The following ADAMTS16 variants were observed in gnomAD, a reference collection of about 807,000 sequenced individuals.
The protein encoded by ADAMTS16 is ADAM metallopeptidase with thrombospondin type 1 motif 16, also known as A disintegrin and metalloproteinase with thrombospondin motifs 16.
In ADAMTS16, 94 loss-of-function variants were observed where a neutral mutation model predicts 145.8. The ratio of observed to expected loss-of-function variants is 0.64; its 90% CI spans 0.55 to 0.77. The LOEUF (loss-of-function observed/expected upper bound fraction) is 0.77. Ranked by LOEUF, ADAMTS16 falls within the 30% of genes least tolerant of loss-of-function variation. ADAMTS16 has a pLI of 0.00. For missense variants in ADAMTS16, 1,585 were observed against 1,591.5 expected (o/e 1.00, Z 0.07); for synonymous variants, 659 against 604.3 (o/e 1.09, Z -1.33).
At chr5:5,177,185 A>G (rs1219032498) in intron 3 of ADAMTS16, among the ~76,000 whole-genome samples, 2 of 152,226 alleles carry the variant, frequency 1.3e-5, no homozygotes, top group Non-Finnish European at 2.9e-5. Context: ...CTGATGGATT[A>G]TGATGATGGG....
At chr5:5,275,786 T>C (rs1452861558) in intron 18 of ADAMTS16, among the ~76,000 whole-genome samples, 1 of 152,196 alleles carries the variant, frequency 6.6e-6, no homozygotes, top group Non-Finnish European at 1.5e-5. Context: ...TATTTTTAAA[T>C]GTTTGTGTCA....
chr5:5,297,008 C>A (rs949495504), intron 18 of ADAMTS16, among the ~76,000 whole-genome samples: 1 of 152,180 alleles, frequency 6.6e-6, no homozygotes, highest in African/African-American at 2.4e-5. Flanking sequence ...TACTCTTGTT[C>A]TTTTGAGTAG....
At chr5:5,270,386 T>C (rs910195576) in intron 18 of ADAMTS16, among the ~76,000 whole-genome samples, 3 of 152,202 alleles carry the variant, frequency 2.0e-5, no homozygotes, top group Non-Finnish European at 4.4e-5. Context: ...TGACACTGCC[T>C]GCCTCCCTGG....
intron 3 of ADAMTS16, among the ~76,000 whole-genome samples, chr5:5,154,268 A>G (rs1734545876): frequency 6.6e-6 from 1 of 152,088 alleles, no homozygotes; most frequent in African/African-American, 2.4e-5. Context: ...GAGGCATGTG[A>G]GACAGCTATT....
intron 3 of ADAMTS16, among the ~76,000 whole-genome samples, chr5:5,147,486 T>C (rs1272625284): frequency 6.6e-6 from 1 of 152,212 alleles, no homozygotes; most frequent in Non-Finnish European, 1.5e-5. Flanking sequence ...AAATACTAAA[T>C]ATATGCAAAT....
At chr5:5,248,018 G>T (rs1472935762) in intron 17 of ADAMTS16, among the ~76,000 whole-genome samples, 1 of 152,192 alleles carries the variant, frequency 6.6e-6, no homozygotes, top group Admixed American at 6.5e-5. Context: ...CCTGTAATGC[G>T]CATGCATGAG....
rs980418244 is a variant in ADAMTS16 at position 5,317,198 on chromosome 5, G to A, written c.3412-936G>A. On this transcript the variant is annotated intron_variant, in intron 21 of 22. Transcript: ENST00000274181. This position sits in a 1 kb window ranked among gnomAD's most constrained non-coding sequence, Gnocchi z 4.5. ...GTCCCAGGTGGTAACATCAGCAACC[G>A]TGTTCTCTGAAATACCGTAAATAGA... Among the ~76,000 whole-genome samples, 1 of 152,148 alleles carries A rather than the reference G, an allele frequency of 6.6e-6. No homozygotes were observed. The highest frequency in any genetic ancestry group is 1.5e-5 in the Non-Finnish European group (1 of 68,028).
rs1207180204 is a variant in ADAMTS16 at position 5,288,582 on chromosome 5, T to G, written c.2790-14686T>G. 2.0e-5 allele frequency among the ~76,000 whole-genome samples: 3 copies of G among 152,272 alleles called. No homozygotes were observed. The South Asian group carries it at 6.2e-4, about 32-fold the overall frequency. On this transcript the variant is annotated intron_variant, in intron 18 of 22. Coordinates refer to ENST00000274181, the MANE Select transcript of ADAMTS16 (RefSeq NM_139056.4). ...AGCCAGAAAGTAGAAATACACAACT[T>G]TTACCAGGAGTAATGAATTCTTTAC...
chr5:5,237,250 G>A, intron 14 of ADAMTS16, 151 bp downstream of exon 14: 2 of 776,080 alleles, frequency 2.6e-6, no homozygotes, highest in Non-Finnish European at 2.0e-6. Context: ...AGAACACATT[G>A]ATGACATGCT....
At position 5,317,308 on chromosome 5, in the gene ADAMTS16, T is replaced by C. The variant is rs1286913105; in HGVS notation, c.3412-826T>C. Reference sequence around the variant, plus strand: ...TATTGGCAGGGGGATCTAAGTTTGTTCTTCCTTGCTGCCTGTAATTTGAGG... The same window carrying C: ...TATTGGCAGGGGGATCTAAGTTTGTCCTTCCTTGCTGCCTGTAATTTGAGG... On this transcript the variant is annotated intron_variant, in intron 21 of 22. Transcript: ENST00000274181. This position sits in a 1 kb window ranked among gnomAD's most constrained non-coding sequence, Gnocchi z 4.5. Among the ~76,000 whole-genome samples, 1 of 152,238 alleles carries C rather than the reference T, an allele frequency of 6.6e-6. No homozygotes were observed. Among genetic ancestry groups the C allele is most frequent in the Non-Finnish European group, 1.5e-5 (1 of 68,038 alleles).
At chr5:5,206,794 T>C (rs1043795045) in intron 9 of ADAMTS16, among the ~76,000 whole-genome samples, 2 of 152,186 alleles carry the variant, frequency 1.3e-5, no homozygotes, top group African/African-American at 2.4e-5. Flanking sequence ...TTAATTTTTT[T>C]ACGTGTAGAT....
chr5:5,180,320 T>C (rs1169157425), intron 3 of ADAMTS16, among the ~76,000 whole-genome samples: 1 of 152,194 alleles, frequency 6.6e-6, no homozygotes, highest in African/African-American at 2.4e-5. Context: ...AATGATACCC[T>C]GATGTTCTGC....
At chr5:5,191,212 C>A (rs1006187855) in intron 7 of ADAMTS16, among the ~76,000 whole-genome samples, 1 of 152,166 alleles carries the variant, frequency 6.6e-6, no homozygotes, top group African/African-American at 2.4e-5. Flanking sequence ...TAAATAATAA[C>A]CATGAGGGTG....
intron 17 of ADAMTS16, among the ~76,000 whole-genome samples, chr5:5,250,988 G>A (rs895291585): frequency 1.3e-5 from 2 of 152,142 alleles, no homozygotes; most frequent in African/African-American, 4.8e-5. Context: ...AGTGTAGGCA[G>A]ATAAGAAAGT....
chr5:5,173,680 A>T (rs1270420615), intron 3 of ADAMTS16, among the ~76,000 whole-genome samples: 1 of 151,968 alleles, frequency 6.6e-6, no homozygotes, highest in East Asian at 1.9e-4. Flanking sequence ...TCACCATGTT[A>T]GCCAGGATGG....
intron 17 of ADAMTS16, among the ~76,000 whole-genome samples, chr5:5,260,039 G>T (rs1283979564): frequency 6.6e-6 from 1 of 152,204 alleles, no homozygotes; most frequent in Non-Finnish European, 1.5e-5. Context: ...TGAATCTACA[G>T]ACTTACCAGA....
At chr5:5,188,093 C>T (rs1388488406) in intron 6 of ADAMTS16, among the ~76,000 whole-genome samples, 1 of 152,164 alleles carries the variant, frequency 6.6e-6, no homozygotes, top group East Asian at 1.9e-4. Context: ...GGGACACACA[C>T]TAGGAATACA....
At chr5:5,167,087 T>G (rs1259182159) in intron 3 of ADAMTS16, among the ~76,000 whole-genome samples, 2 of 152,252 alleles carry the variant, frequency 1.3e-5, no homozygotes, top group African/African-American at 4.8e-5. Flanking sequence ...CTTCTTCTTT[T>G]TTTGTACTGC....
intron 17 of ADAMTS16, among the ~76,000 whole-genome samples, chr5:5,251,664 G>C (rs1333983774): frequency 6.6e-6 from 1 of 152,192 alleles, no homozygotes; most frequent in Non-Finnish European, 1.5e-5. Context: ...TCATGAACCT[G>C]GGTGCCTACC....
Sources: gnomAD v4.1 joint callset for allele counts (sites outside exome capture counted in the v4.1 genomes callset) on GRCh38, gnomAD v4.1.1 for gene constraint, Gnocchi (gnomAD v3.1) non-coding constraint, MANE v1.5 for transcripts, NCBI Gene and HGNC (gene_info 2026-07-23, HGNC 2026-07-21) for gene names.